The following FANCA variants were observed in gnomAD, a reference collection of about 807,000 sequenced individuals.
The protein encoded by FANCA is Fanconi anemia group A protein.
A neutral mutation model predicts 194.3 loss-of-function variants in FANCA; 236 were observed. That is an observed-to-expected ratio of 1.21 (90% CI 1.09 to 1.35). The LOEUF (loss-of-function observed/expected upper bound fraction) is 1.35, where lower values mean the gene tolerates loss of function less well. Ranked by LOEUF, FANCA falls within the 40% of genes most tolerant of loss-of-function variation. The pLI, the probability that FANCA is intolerant of heterozygous loss-of-function variation, is 0.00. For synonymous variants in FANCA, 1,014 were observed against 715.8 expected (o/e 1.42, Z -6.65); for missense variants, 2,628 against 1,813.9 (o/e 1.45, Z -8.15).
intron 13 of FANCA, 70 bp downstream of exon 13, chr16:89,791,857 G>C (rs1186669475): frequency 1.3e-6 from 2 of 1,595,396 alleles, no homozygotes; most frequent in East Asian, 2.2e-5. Flanking sequence ...CCCACAGTCA[G>C]CTGGGACTCT....
intron 8 of FANCA, among the ~76,000 whole-genome samples, chr16:89,800,847 A>G (rs1446827615): frequency 1.3e-5 from 2 of 152,070 alleles, no homozygotes; most frequent in African/African-American, 2.4e-5. Flanking sequence ...CCTGACCAAC[A>G]AGGTGAAACC....
chr16:89,739,195 C>T lies in FANCA; in HGVS notation c.4105G>A (p.Val1369Met), dbSNP rs201225325. 38 of 1,614,054 alleles carry T rather than the reference C, an allele frequency of 2.4e-5. No individual in the cohort carries two copies. Among genetic ancestry groups the T allele is most frequent in the African/African-American group, 5.3e-5 (4 of 74,948 alleles). ...DMYLKLVQLF[V>M]AGDTSTVSPP... Reference sequence around the variant, plus strand: ...GAAACTGTGCTTGTATCCCCAGCCACGAAGAGCTGGACCAGCTTCAAGTAC... The same window carrying T: ...GAAACTGTGCTTGTATCCCCAGCCATGAAGAGCTGGACCAGCTTCAAGTAC... Residue 1369 changes from valine to methionine, a missense_variant, in exon 41 of 43, where the codon GTG (valine) becomes ATG (methionine). By Grantham distance (21) the Val-to-Met change is conservative. Coordinates refer to ENST00000389301, the MANE Select transcript of FANCA (RefSeq NM_000135.4).
At chr16:89,749,649 C>G in intron 32 of FANCA, 81 bp downstream of exon 32, 1 of 1,527,740 alleles carries the variant, frequency 6.5e-7, no homozygotes, top group Non-Finnish European at 8.9e-7. Context: ...AACAAACTCA[C>G]TACAAAGAAC....
chr16:89,798,239 G>T (rs1191399521), intron 10 of FANCA: 2 of 635,862 alleles, frequency 3.1e-6, no homozygotes, highest in African/African-American at 2.0e-5. Flanking sequence ...AACCCTAGGG[G>T]CACCCTGACC....
At chr16:89,794,673 T>A (rs71396966) in intron 11 of FANCA, among the ~76,000 whole-genome samples, 2,007 of 152,310 alleles carry the variant, frequency 0.013, 40 homozygotes, top group South Asian at 0.096. Flanking sequence ...GGGAGCCATC[T>A]GTGTATCCCT....
In FANCA at chr16:89,738,944, G is replaced by C; in HGVS notation, c.4198C>G (p.Arg1400Gly). ...GNPVELITKA[R>G]LFLLQLIPRC... ...GGTATTAACTGCAGCAGAAAAAGAC[G>C]AGCTTTTGTTATCAGTTCCACGGGG... Residue 1400 changes from arginine to glycine, a missense_variant, in exon 42 of 43, where the codon CGT (arginine) becomes GGT (glycine). Arg to Gly is a moderately radical substitution (Grantham distance 125). Transcript: ENST00000389301. 1 of 1,614,254 alleles carries C rather than the reference G, an allele frequency of 6.2e-7. No homozygotes were observed. The highest frequency in any genetic ancestry group is 8.5e-7 in the Non-Finnish European group (1 of 1,180,052).
At chr16:89,751,637 C>G (rs1392667487) in intron 31 of FANCA, among the ~76,000 whole-genome samples, 1 of 152,090 alleles carries the variant, frequency 6.6e-6, no homozygotes, top group Non-Finnish European at 1.5e-5. Flanking sequence ...GGGTGGCCAG[C>G]ACCAGTAAAT....
chr16:89,762,657 C>A, intron 28 of FANCA: 1 of 300,152 alleles, frequency 3.3e-6, no homozygotes. Flanking sequence ...TTTTTGGAAA[C>A]AGGTTCTGTT....
intron 23 of FANCA, among the ~76,000 whole-genome samples, 191 bp from the exon 24 acceptor site, chr16:89,770,825 C>T (rs1440125907): frequency 2.6e-5 from 4 of 152,178 alleles, no homozygotes; most frequent in African/African-American, 9.7e-5. Flanking sequence ...TTGGGAATAG[C>T]AGCCCTCAAG....
intron 21 of FANCA, among the ~76,000 whole-genome samples, chr16:89,775,029 G>A (rs1038872240): frequency 4.6e-5 from 7 of 151,872 alleles, no homozygotes; most frequent in African/African-American, 1.7e-4. Context: ...AGGGGGCAGA[G>A]GTTTCAGCGA....
At chr16:89,799,939 A>C (rs2040387176) in intron 8 of FANCA, among the ~76,000 whole-genome samples, 1 of 152,206 alleles carries the variant, frequency 6.6e-6, no homozygotes, top group African/African-American at 2.4e-5. Flanking sequence ...GCTTCCAGTG[A>C]GCTGAGATAG....
rs1264855885 is a variant in FANCA, at chr16:89,816,578, T to C, written c.38A>G (p.Gln13Arg). The C allele has an allele frequency of 6.6e-7, 1 of 1,524,576 alleles. No individual in the cohort carries two copies. The highest frequency in any genetic ancestry group is 8.7e-7 in the Non-Finnish European group (1 of 1,144,122). 94.4% of individuals were successfully genotyped at this position (1,524,576 alleles called of 1,614,324 possible). The change falls in exon 1 of 43, where the codon CAG (glutamine) becomes CGG (arginine). Residue 13 changes from glutamine (Q) to arginine (R), a missense_variant. Transcript: ENST00000389301. ...GGCCCTCCGGCGGCCCCCTGGGTCC[T>C]GGCCCGAGGCGGAGTTCGGGACCCA... ...DSWVPNSASG[Q>R]DPGGRRRAWA... is the part of the protein sequence containing the mutation.
At chr16:89,777,569 C>CA (rs1430483895) in intron 20 of FANCA, among the ~76,000 whole-genome samples, 8 of 147,908 alleles carry the variant, frequency 5.4e-5, no homozygotes, top group East Asian at 2.0e-4. Flanking sequence ...ACTAAAAATA[C>CA]AAAAAAAGAA....
At chr16:89,751,873 C>T (rs2038605634) in intron 31 of FANCA, among the ~76,000 whole-genome samples, 2 of 151,930 alleles carry the variant, frequency 1.3e-5, no homozygotes, top group Non-Finnish European at 2.9e-5. Context: ...TGGGTTCATG[C>T]CATTCTCCTG....
rs1054474943 is a variant in FANCA at position 89,809,274 on chromosome 16, A to G, written c.523-907T>C. Reference sequence around the variant, plus strand: ...ACTCTCCAATCTGATATGCATGTCCAACATCTTCTTCGCAAATCTGTGAGC... The same window carrying G: ...ACTCTCCAATCTGATATGCATGTCCGACATCTTCTTCGCAAATCTGTGAGC... On this transcript the variant is annotated intron_variant, in intron 5 of 42. Transcript: ENST00000389301. Among the ~76,000 whole-genome samples the G allele has an allele frequency of 9.2e-5, 14 of 152,252 alleles. No homozygotes were observed. In the East Asian group the frequency reaches 2.7e-3, roughly 29 times the overall value.
At chr16:89,788,206 T>C (rs1212822134) in intron 14 of FANCA, among the ~76,000 whole-genome samples, 1 of 152,204 alleles carries the variant, frequency 6.6e-6, no homozygotes, top group Non-Finnish European at 1.5e-5. Flanking sequence ...CTCATGCCTG[T>C]AATCCCAGCA....
Position 89,749,735 on chromosome 16 carries a change from G to T in FANCA, c.3234C>A (p.Tyr1078Ter), listed in dbSNP as rs764030196. 1 of 1,613,778 alleles carries T rather than the reference G, an allele frequency of 6.2e-7. No individual in the cohort carries two copies. ...SLQRQRELLM[Y>*]KRILLRLPSS... The stretch of plus-strand genomic sequence containing the variant: ...CAGGTGGTAGTAGGTGTTACCGTTT[G>T]TACATTAGCAGCTCCCTCTGTCTCT... The change falls in exon 32 of 43, where the codon TAC (tyrosine) becomes TAA (stop). Residue 1078 changes from tyrosine (Y) to a stop codon, truncating the protein, a stop_gained. Coordinates refer to ENST00000389301, the MANE Select transcript of FANCA (RefSeq NM_000135.4). LOFTEE classifies it high-confidence loss of function.
At chr16:89,774,090 A>C (rs1424642743) in intron 21 of FANCA, among the ~76,000 whole-genome samples, 3 of 152,106 alleles carry the variant, frequency 2.0e-5, no homozygotes, top group Non-Finnish European at 4.4e-5. Context: ...TATAAAAAGG[A>C]AGATACGCTG....
At chr16:89,762,118 G>C in intron 28 of FANCA, 96 bp from the exon 29 acceptor site, 1 of 894,290 alleles carries the variant, frequency 1.1e-6, no homozygotes, top group Non-Finnish European at 1.9e-6. Flanking sequence ...CTCATACGCA[G>C]TCCTCCATGT....
Sources: allele counts gnomAD v4.1 joint callset (sites outside exome capture counted in the v4.1 genomes callset), GRCh38; gene constraint gnomAD v4.1.1; transcripts MANE v1.5; gene names NCBI Gene and HGNC (gene_info 2026-07-23, HGNC 2026-07-21).